The following FBLN1 variants were observed in gnomAD, a reference collection of about 807,000 sequenced individuals.
FBLN1 encodes the protein fibulin 1, also known as fibulin-1.
FBLN1 carries 34 observed loss-of-function variants against 89.7 expected under a neutral mutation model. That is an observed-to-expected ratio of 0.38 (90% CI 0.29 to 0.50). The LOEUF is 0.50. Among genes scored for constraint, FBLN1 ranks in the 20% least tolerant of loss-of-function variants. The pLI, the probability that FBLN1 is intolerant of heterozygous loss-of-function variation, is 0.92. For missense variants in FBLN1, 777 were observed against 988.1 expected, an observed-to-expected ratio of 0.79 and a Z score of 2.86; for synonymous variants, 393 against 391.3, an observed-to-expected ratio of 1.00 and a Z score of -0.05.
intron 2 of FBLN1, among the ~76,000 whole-genome samples, chr22:45,523,474 G>T (rs541529583): frequency 2.6e-5 from 4 of 152,178 alleles, no homozygotes; most frequent in African/African-American, 9.7e-5. Flanking sequence ...AGGCTGAGGC[G>T]GGCAGATCAC....
At chr22:45,519,141 T>C (rs1352726087) in intron 2 of FBLN1, among the ~76,000 whole-genome samples, 1 of 152,080 alleles carries the variant, frequency 6.6e-6, no homozygotes, top group African/African-American at 2.4e-5. Flanking sequence ...CTAAAGAGCT[T>C]TGCGAGTGGA....
At chr22:45,515,732 G>A (rs1253680294) in intron 1 of FBLN1, among the ~76,000 whole-genome samples, 4 of 152,204 alleles carry the variant, frequency 2.6e-5, no homozygotes, top group Non-Finnish European at 4.4e-5. Flanking sequence ...AGAACTTTCT[G>A]TGTGCTTGGA....
intron 11 of FBLN1, among the ~76,000 whole-genome samples, chr22:45,544,956 G>A (rs138585184): frequency 1.0e-3 from 157 of 152,298 alleles, no homozygotes; most frequent in African/African-American, 3.5e-3. Context: ...CTCCACAATC[G>A]TCCACATTGC....
chr22:45,518,606 C>T, intron 1 of FBLN1, 76 bp from the exon 2 acceptor site: 1 of 1,049,164 alleles, frequency 9.5e-7, no homozygotes, highest in East Asian at 2.6e-5. Context: ...CGTGCGTGTC[C>T]TGGTGGTGCA....
intron 8 of FBLN1, among the ~76,000 whole-genome samples, chr22:45,540,093 C>T (rs1391943540): frequency 6.6e-6 from 1 of 152,164 alleles, no homozygotes; most frequent in African/African-American, 2.4e-5. Context: ...ACTTTATTTA[C>T]AAAAGCAGGT....
rs201013511 is a variant in FBLN1 at position 45,553,833 on chromosome 22, C to T, written c.1697+3218C>T. Among the ~76,000 whole-genome samples the T allele has an allele frequency of 1.8e-4, 28 of 152,292 alleles. No individual in the cohort carries two copies. In the East Asian group the frequency reaches 4.6e-3, roughly 25 times the overall value. ...AGAACACCACGCACACCTCCCATTGCTTTCCTCCGCTTCCCTCTGGCAAAA... is the reference window on the plus strand; with the variant it reads ...AGAACACCACGCACACCTCCCATTGTTTTCCTCCGCTTCCCTCTGGCAAAA... On this transcript the variant is annotated intron_variant, in intron 14 of 16. Coordinates refer to ENST00000327858, the MANE Select transcript of FBLN1 (RefSeq NM_006486.3).
At chr22:45,539,892 G>C (rs1170289290) in intron 8 of FBLN1, among the ~76,000 whole-genome samples, 1 of 152,208 alleles carries the variant, frequency 6.6e-6, no homozygotes, top group African/African-American at 2.4e-5. Flanking sequence ...CAGTGGGAAG[G>C]CAGCCACCGC....
rs2089039220 is a variant in FBLN1, at chr22:45,581,208, A to G, written c.1972+4100A>G. On this transcript the variant is annotated intron_variant, in intron 16 of 16. Transcript: ENST00000327858. This position sits in a 1 kb window ranked among gnomAD's most constrained non-coding sequence, Gnocchi z 7.6. The stretch of plus-strand genomic sequence containing the variant: ...GTGCGGAAGAGAGAGACAGAAAGGC[A>G]ACTCGAGGCCACCCGGGCTCCCCGG... 6.6e-6 allele frequency among the ~76,000 whole-genome samples: 1 copy of G among 152,136 alleles called. No homozygotes were observed. The highest frequency in any genetic ancestry group is 2.1e-4 in the South Asian group (1 of 4,830).
chr22:45,587,889 C>G (rs2089102116), intron 16 of FBLN1, among the ~76,000 whole-genome samples: 2 of 152,170 alleles, frequency 1.3e-5, no homozygotes, highest in Non-Finnish European at 1.5e-5. Flanking sequence ...GAGTGTGCAG[C>G]TCCTTCTTTT....
At chr22:45,551,715 A>G (rs2088704155) in intron 14 of FBLN1, among the ~76,000 whole-genome samples, 1 of 152,208 alleles carries the variant, frequency 6.6e-6, no homozygotes, top group African/African-American at 2.4e-5. Flanking sequence ...CGAAGAGCTC[A>G]TGGTTATGCA....
At position 45,531,661 on chromosome 22, in the gene FBLN1, C is replaced by T. The variant is rs2088409942; in HGVS notation, c.544+337C>T. On this transcript the variant is annotated intron_variant, in intron 5 of 16. Transcript: ENST00000327858. This position sits in a 1 kb window ranked among gnomAD's most constrained non-coding sequence, Gnocchi z 4.9. Reference sequence around the variant, plus strand: ...GAGCCAGCCATGAGCCACTTCCACCCTGAGGAGTCGTGGACTCCCAGCTCC... The same window carrying T: ...GAGCCAGCCATGAGCCACTTCCACCTTGAGGAGTCGTGGACTCCCAGCTCC... 6.6e-6 allele frequency among the ~76,000 whole-genome samples: 1 copy of T among 152,388 alleles called. No individual in the cohort carries two copies. The highest frequency in any genetic ancestry group is 2.4e-5 in the African/African-American group (1 of 41,592).
Position 45,588,733 on chromosome 22 carries a change from G to A in FBLN1, c.1973-11574G>A, listed in dbSNP as rs532980982. Among the ~76,000 whole-genome samples the A allele has an allele frequency of 3.3e-5, 5 of 151,722 alleles. No homozygotes were observed. In the East Asian group the frequency reaches 5.8e-4, roughly 18 times the overall value. On this transcript the variant is annotated intron_variant, in intron 16 of 16. Coordinates refer to ENST00000327858, the MANE Select transcript of FBLN1 (RefSeq NM_006486.3). This position sits in a 1 kb window ranked among gnomAD's most constrained non-coding sequence, Gnocchi z 5.1. ...CTTCTGAAAAGCCTTTAATATCACC[G>A]GGCACATTCATAAATTATTCTTTTT...
Position 45,597,283 on chromosome 22 carries a change from G to C in FBLN1, c.1973-3024G>C, listed in dbSNP as rs1452601731. ...CCCAAAGTGCTGGGATTACAAGCGT[G>C]AGCCACTGCACCCAGCTGAAACAAA... On this transcript the variant is annotated intron_variant, in intron 16 of 16. Coordinates refer to ENST00000327858, the MANE Select transcript of FBLN1 (RefSeq NM_006486.3). This position sits in a 1 kb window ranked among gnomAD's most constrained non-coding sequence, Gnocchi z 4.2. 3.3e-5 allele frequency among the ~76,000 whole-genome samples: 5 copies of C among 152,210 alleles called. No homozygotes were observed. Among genetic ancestry groups the C allele is most frequent in the African/African-American group, 1.2e-4 (5 of 41,446 alleles).
At chr22:45,523,148 A>C in intron 2 of FBLN1, 1 of 779,080 alleles carries the variant, frequency 1.3e-6, no homozygotes. Context: ...CAGTATGGAA[A>C]GTGGGAAGAG....
chr22:45,520,189 A>G (rs1427369524), intron 2 of FBLN1, among the ~76,000 whole-genome samples: 1 of 152,168 alleles, frequency 6.6e-6, no homozygotes, highest in African/African-American at 2.4e-5. Flanking sequence ...AAAGAAAAAA[A>G]TCAGAGATCA....
intron 14 of FBLN1, among the ~76,000 whole-genome samples, chr22:45,554,339 C>T (rs767995724): frequency 1.3e-5 from 2 of 152,228 alleles, no homozygotes; most frequent in African/African-American, 2.4e-5. Flanking sequence ...GCTCTCAGAT[C>T]GCCTGGAGCA....
intron 2 of FBLN1, among the ~76,000 whole-genome samples, chr22:45,524,690 G>A (rs2088296765): frequency 6.6e-6 from 1 of 152,206 alleles, no homozygotes; most frequent in Admixed American, 6.5e-5. Flanking sequence ...CATTGTGCGG[G>A]TGAAGCCTAG....
intron 12 of FBLN1, 91 bp from the exon 13 acceptor site, chr22:45,548,522 C>T (rs1037490098): frequency 1.5e-5 from 23 of 1,568,172 alleles, no homozygotes; most frequent in Non-Finnish European, 1.9e-5. Context: ...CCCTCCCGGG[C>T]CCCAGTGCAG....
At chr22:45,571,210 A>C (rs1470351688) in intron 14 of FBLN1, among the ~76,000 whole-genome samples, 1 of 152,132 alleles carries the variant, frequency 6.6e-6, no homozygotes, top group Non-Finnish European at 1.5e-5. Context: ...TAAAGGAAAA[A>C]AAATGTTCTC....
Sources: gnomAD v4.1 joint callset for allele counts (sites outside exome capture counted in the v4.1 genomes callset) on GRCh38, gnomAD v4.1.1 for gene constraint, Gnocchi (gnomAD v3.1) non-coding constraint, MANE v1.5 for transcripts, NCBI Gene and HGNC (gene_info 2026-07-23, HGNC 2026-07-21) for gene names.